The following SLC19A3 variants were observed in gnomAD, a reference collection of about 807,000 sequenced individuals.
The protein encoded by SLC19A3 is thiamine transporter 2.
Under a neutral mutation model 40.2 loss-of-function variants are expected in SLC19A3, and 31 were observed. The ratio of observed to expected loss-of-function variants is 0.77; its 90% confidence interval spans 0.58 to 1.04. SLC19A3 has a LOEUF of 1.04. Ranked by LOEUF, SLC19A3 falls within the 50% of genes least tolerant of loss-of-function variation. The pLI, the probability that SLC19A3 is intolerant of heterozygous loss-of-function variation, is 0.00. For missense variants in SLC19A3, 592 were observed against 596.7 expected (o/e 0.99, Z 0.08); for synonymous variants, 212 against 227.5 (o/e 0.93, Z 0.61).
intron 1 of SLC19A3, among the ~76,000 whole-genome samples, chr2:227,710,173 C>A (rs1443425019): frequency 1.3e-5 from 2 of 152,114 alleles, no homozygotes; most frequent in African/African-American, 2.4e-5. Context: ...CTTAACAGGC[C>A]ATAGGACCCC....
Position 227,698,780 on chromosome 2 carries a change from G to T in SLC19A3, c.935C>A (p.Ser312Tyr). 6.2e-7 allele frequency: 1 copy of T among 1,614,180 alleles called. No homozygotes were observed. The highest frequency in any genetic ancestry group is 8.5e-7 in the Non-Finnish European group (1 of 1,180,046). Residue 312 changes from serine (S) to tyrosine (Y), a missense_variant, in exon 3 of 6, where the codon TCT becomes TAT. Transcript: ENST00000644224. ...TTCTACGGCCCCATTATAGATGGAA[G>T]AATCTTGGGATGGCGCCTTGTAATC... ...LWDYKAPSQDSSIYNGAVEAI... is the reference protein window; with the variant it reads ...LWDYKAPSQDYSIYNGAVEAI...
At chr2:227,711,925 C>T (rs975957870) in intron 1 of SLC19A3, among the ~76,000 whole-genome samples, 5 of 151,942 alleles carry the variant, frequency 3.3e-5, no homozygotes, top group African/African-American at 9.7e-5. Flanking sequence ...TGGCACAAGC[C>T]TGTAATCCCA....
intron 2 of SLC19A3, among the ~76,000 whole-genome samples, chr2:227,699,781 A>G (rs139036449): frequency 9.6e-4 from 147 of 152,336 alleles, no homozygotes; most frequent in African/African-American, 3.4e-3. Context: ...GCAGAAAAAT[A>G]TATTGGCTTA....
chr2:227,708,548 A>G (rs1016622672), intron 1 of SLC19A3, among the ~76,000 whole-genome samples: 1 of 146,116 alleles, frequency 6.8e-6, no homozygotes, highest in Non-Finnish European at 1.5e-5. Flanking sequence ...ACATAGTGAG[A>G]CCCTGTCTCT....
At position 227,683,996 on chromosome 2, in the gene SLC19A3, G is replaced by C. The variant is rs980019405; in HGVS notation, c.*3401C>G. 2 of 152,056 alleles carry C rather than the reference G, an allele frequency of 1.3e-5. No individual in the cohort carries two copies. The highest frequency in any genetic ancestry group is 6.6e-5 in the Admixed American group (1 of 15,260). 9.4% of individuals were successfully genotyped at this position (152,056 alleles called of 1,614,324 possible). On this transcript the variant is annotated 3_prime_UTR_variant, in exon 6 of 6. Transcript: ENST00000644224. The stretch of plus-strand genomic sequence containing the variant: ...GTATTTTTTGTAGAGACAGGGTTTT[G>C]CCATGTTGCCTAGGCTGGTTTTGAA...
chr2:227,714,790 C>A (rs1187362258), intron 1 of SLC19A3, among the ~76,000 whole-genome samples: 2 of 146,948 alleles, frequency 1.4e-5, no homozygotes, highest in African/African-American at 5.0e-5. Context: ...TGAATAACAC[C>A]TTTCCCTGAC....
chr2:227,714,977 G>C (rs35716605), intron 1 of SLC19A3, among the ~76,000 whole-genome samples: 22,141 of 151,564 alleles, frequency 0.15, 2,117 homozygotes, highest in South Asian at 0.33. Flanking sequence ...CCGCCACCAG[G>C]CCTGGCTAAT....
rs369566028 is a variant in SLC19A3 at position 227,690,424 on chromosome 2, A to G, written c.1173-2117T>C. 5.1e-4 allele frequency among the ~76,000 whole-genome samples: 77 copies of G among 152,216 alleles called. No individual in the cohort carries two copies. In the Middle Eastern group the frequency reaches 0.01, roughly 20 times the overall value. ...GCAAGAGAATATAAAAATTGTAAAT[A>G]CGGCCAGGCGCGGTGGCTCATGCCT... On this transcript the variant is annotated intron_variant, in intron 4 of 5. Transcript: ENST00000644224.
chr2:227,709,940 G>T (rs1696082138), intron 1 of SLC19A3, among the ~76,000 whole-genome samples: 1 of 152,070 alleles, frequency 6.6e-6, no homozygotes, highest in Non-Finnish European at 1.5e-5. Context: ...AAAAATGGGG[G>T]AGGAGTTAGG....
intron 1 of SLC19A3, among the ~76,000 whole-genome samples, chr2:227,708,193 T>G (rs866465421): frequency 6.6e-6 from 1 of 152,214 alleles, no homozygotes; most frequent in East Asian, 1.9e-4. Flanking sequence ...TAGTTTTCTT[T>G]TTTTTAATCT....
chr2:227,701,205 T>A lies in SLC19A3; in HGVS notation c.150+964A>T. ...GCCACCTCACCACCCGAGGCACCCA[T>A]CAGCCTTGCAGGCGAAGCCACACAC... is the stretch of plus-strand genomic sequence containing the variant. On this transcript the variant is annotated intron_variant, in intron 2 of 5. Coordinates refer to ENST00000644224, the MANE Select transcript of SLC19A3 (RefSeq NM_025243.4). 1.1e-5 allele frequency: 9 copies of A among 789,712 alleles called. No individual in the cohort carries two copies. In the South Asian group the frequency reaches 1.6e-4, roughly 14 times the overall value. 48.9% of individuals were successfully genotyped at this position (789,712 alleles called of 1,614,324 possible).
Position 227,717,976 on chromosome 2 carries a change from C to T in SLC19A3, c.-36G>A. ...GGGAGTGTCTGTTCACCAAATCGCT[C>T]ACTTGCCGCACGACCACGCACCCGC... is the stretch of plus-strand genomic sequence containing the variant. On this transcript the variant is annotated 5_prime_UTR_variant, in exon 1 of 6. Coordinates refer to ENST00000644224, the MANE Select transcript of SLC19A3 (RefSeq NM_025243.4). 1 of 985,426 alleles carries T rather than the reference C, an allele frequency of 1.0e-6. No individual in the cohort carries two copies. 61.0% of individuals were successfully genotyped at this position (985,426 alleles called of 1,614,324 possible).
At chr2:227,715,086 C>T (rs1347029065) in intron 1 of SLC19A3, among the ~76,000 whole-genome samples, 3 of 152,090 alleles carry the variant, frequency 2.0e-5, no homozygotes, top group African/African-American at 7.2e-5. Flanking sequence ...ACTCAAAGTG[C>T]TGGGATTACA....
At chr2:227,711,014 A>G (rs1376169108) in intron 1 of SLC19A3, among the ~76,000 whole-genome samples, 3 of 152,220 alleles carry the variant, frequency 2.0e-5, no homozygotes, top group Non-Finnish European at 4.4e-5. Flanking sequence ...ACATTCAAAT[A>G]AAGCAAAGGG....
At chr2:227,716,155 A>T (rs1459679553) in intron 1 of SLC19A3, among the ~76,000 whole-genome samples, 1 of 152,188 alleles carries the variant, frequency 6.6e-6, no homozygotes, top group Admixed American at 6.6e-5. Context: ...AAATTTTAAC[A>T]ACTGATGGCA....
At position 227,686,154 on chromosome 2, in the gene SLC19A3, G is replaced by T. The variant is rs756911054; in HGVS notation, c.*1243C>A. The T allele has an allele frequency of 4.5e-6, 2 of 446,182 alleles. No individual in the cohort carries two copies. Among genetic ancestry groups the T allele is most frequent in the African/African-American group, 4.0e-5 (2 of 49,584 alleles). The allele number at this position is 446,182 out of a possible 1,614,324, so 27.6% of individuals were successfully genotyped here. On this transcript the variant is annotated 3_prime_UTR_variant, in exon 6 of 6. Coordinates refer to ENST00000644224, the MANE Select transcript of SLC19A3 (RefSeq NM_025243.4). ...GAAGTTTGCAGTGAGCCAAGATCAC[G>T]CCATTGCATTCCAGCCTGGGTGAGA...
intron 2 of SLC19A3, among the ~76,000 whole-genome samples, chr2:227,700,172 C>T (rs546117014): frequency 1.9e-4 from 29 of 151,928 alleles, no homozygotes; most frequent in African/African-American, 6.8e-4. Flanking sequence ...CCACCGTGCC[C>T]GGCCCAAGAT....
At chr2:227,713,324 C>T (rs537466155) in intron 1 of SLC19A3, among the ~76,000 whole-genome samples, 19 of 150,050 alleles carry the variant, frequency 1.3e-4, no homozygotes, top group African/African-American at 4.4e-4. Flanking sequence ...ATCCCTTGAG[C>T]CCAGGATATC....
chr2:227,706,955 G>A (rs1262544706), intron 1 of SLC19A3, among the ~76,000 whole-genome samples: 2 of 152,220 alleles, frequency 1.3e-5, no homozygotes, highest in Admixed American at 1.3e-4. Flanking sequence ...GGACGCACAG[G>A]AGAGAGTTTA....
Sources: gnomAD v4.1 joint callset for allele counts (sites outside exome capture counted in the v4.1 genomes callset) on GRCh38, gnomAD v4.1.1 for gene constraint, MANE v1.5 for transcripts, NCBI Gene and HGNC (gene_info 2026-07-23, HGNC 2026-07-21) for gene names.